Variants in CACNG4 observed in about 807,000 individuals in gnomAD.
CACNG4 encodes voltage-dependent calcium channel gamma-4 subunit.
A neutral mutation model predicts 22.9 loss-of-function variants in CACNG4; 8 were observed. The ratio of observed to expected loss-of-function variants is 0.35; its 90% CI spans 0.21 to 0.63. The LOEUF is 0.63. Among genes scored for constraint, CACNG4 ranks in the 30% least tolerant of loss-of-function variants. The probability of loss-of-function intolerance (pLI) is 0.72; values close to 1 mark genes in which losing one functional copy is unlikely to be tolerated. For missense variants in CACNG4, 357 were observed against 455.4 expected, an observed-to-expected ratio of 0.78 and a Z score of 1.97; for synonymous variants, 188 against 191.9, an observed-to-expected ratio of 0.98 and a Z score of 0.17.
chr17:67,032,629 G>T lies in CACNG4; in HGVS notation c.*1625G>T. ...AGGAAAGGACGCATCCACCGGTAGC[G>T]GCCCCAGCTGACTGTCGCCGTGTGC... On this transcript the variant is annotated 3_prime_UTR_variant, in exon 4 of 4. Transcript: ENST00000262138. 6.5e-6 allele frequency: 1 copy of T among 154,898 alleles called. No individual in the cohort carries two copies. The highest frequency in any genetic ancestry group is 1.4e-5 in the Non-Finnish European group (1 of 69,772). 9.6% of individuals were successfully genotyped at this position (154,898 alleles called of 1,614,324 possible).
Position 66,964,852 on chromosome 17 carries a change from A to AGGAG in CACNG4, c.-57_-54dup, listed in dbSNP as rs2143260350. On this transcript the variant is annotated 5_prime_UTR_variant, in exon 1 of 4. Coordinates refer to ENST00000262138, the MANE Select transcript of CACNG4 (RefSeq NM_014405.4). ...CGCCCCCGGAGCGGCGCGCGGAGGG[A>AGGAG]GGAGGGCGGGCGGGCGCGGCGGGCC... 2 of 987,214 alleles carry AGGAG rather than the reference A, an allele frequency of 2.0e-6. No homozygotes were observed. Among genetic ancestry groups the AGGAG allele is most frequent in the Non-Finnish European group, 2.5e-6 (2 of 794,514 alleles). The allele number at this position is 987,214 out of a possible 1,614,324, so 61.2% of individuals were successfully genotyped here. A position where few individuals can be genotyped will look rare whatever the true frequency, so the allele number is the denominator to read the frequency against.
intron 1 of CACNG4, among the ~76,000 whole-genome samples, chr17:67,015,598 G>A (rs1232147259): frequency 1.3e-5 from 2 of 152,200 alleles, no homozygotes; most frequent in Non-Finnish European, 2.9e-5. Context: ...CAAGACAAGT[G>A]TAATTTTTTT....
chr17:66,986,495 C>T (rs1485222916), intron 1 of CACNG4, among the ~76,000 whole-genome samples: 2 of 152,042 alleles, frequency 1.3e-5, no homozygotes, highest in African/African-American at 2.4e-5. Flanking sequence ...AGACTGGATG[C>T]AAGAATGAGA....
At chr17:66,987,322 A>G (rs2035310878) in intron 1 of CACNG4, among the ~76,000 whole-genome samples, 3 of 152,180 alleles carry the variant, frequency 2.0e-5, no homozygotes, top group Admixed American at 2.0e-4. Context: ...TTCCTTATCT[A>G]CACAATAGAG....
At chr17:66,967,888 G>A (rs914506384) in intron 1 of CACNG4, among the ~76,000 whole-genome samples, 1 of 152,082 alleles carries the variant, frequency 6.6e-6, no homozygotes, top group African/African-American at 2.4e-5. Flanking sequence ...ATGCATTCTG[G>A]CAGGGCTACG....
intron 1 of CACNG4, among the ~76,000 whole-genome samples, chr17:66,986,694 T>C (rs1598107322): frequency 6.6e-6 from 1 of 152,326 alleles, no homozygotes; most frequent in African/African-American, 2.4e-5. Context: ...AGAGAGAATT[T>C]AGCTTCCAGT....
chr17:66,971,192 C>T (rs56970893), intron 1 of CACNG4, among the ~76,000 whole-genome samples: 14,870 of 151,404 alleles, frequency 0.098, 1,039 homozygotes, highest in East Asian at 0.25. Context: ...TCCACGCTGA[C>T]GGTGGGTCGG....
At chr17:67,008,552 C>T (rs944104945) in intron 1 of CACNG4, among the ~76,000 whole-genome samples, 1 of 152,100 alleles carries the variant, frequency 6.6e-6, no homozygotes, top group Non-Finnish European at 1.5e-5. Context: ...CTGACCGGTG[C>T]CTCTGCTCCA....
intron 1 of CACNG4, among the ~76,000 whole-genome samples, chr17:66,972,888 C>CTT (rs2035213202): frequency 6.6e-6 from 1 of 151,572 alleles, no homozygotes; most frequent in Non-Finnish European, 1.5e-5. Context: ...ATCCCACCAC[C>CTT]GCACTCCAGC....
At chr17:67,019,395 G>A (rs912397525) in intron 2 of CACNG4, among the ~76,000 whole-genome samples, 2 of 152,022 alleles carry the variant, frequency 1.3e-5, no homozygotes, top group Non-Finnish European at 1.5e-5. Context: ...TCTGCTTACC[G>A]GGGGCCCACA....
intron 1 of CACNG4, among the ~76,000 whole-genome samples, chr17:66,976,307 G>A (rs1431428242): frequency 2.0e-5 from 3 of 151,914 alleles, no homozygotes; most frequent in African/African-American, 7.3e-5. Context: ...AATAAAACCT[G>A]TCCTCCCCTC....
chr17:66,990,647 C>CTTATT (rs59079283), intron 1 of CACNG4, among the ~76,000 whole-genome samples: 10,224 of 148,568 alleles, frequency 0.069, 382 homozygotes, highest in Middle Eastern at 0.09. Context: ...TCTAAGTCTC[C>CTTATT]TTATTTTATT....
chr17:66,971,009 C>A (rs547033235), intron 1 of CACNG4, among the ~76,000 whole-genome samples: 10 of 152,318 alleles, frequency 6.6e-5, no homozygotes, highest in African/African-American at 1.9e-4. Flanking sequence ...GTCACCAGAC[C>A]CTGAGTGTCA....
chr17:67,012,835 C>G (rs1035694421), intron 1 of CACNG4, among the ~76,000 whole-genome samples: 1 of 152,128 alleles, frequency 6.6e-6, no homozygotes, highest in Non-Finnish European at 1.5e-5. Context: ...CCAAGAGGTA[C>G]GAGGTGGACA....
intron 1 of CACNG4, among the ~76,000 whole-genome samples, chr17:66,977,606 A>C (rs2035245738): frequency 6.6e-6 from 1 of 152,202 alleles, no homozygotes; most frequent in Admixed American, 6.5e-5. Flanking sequence ...AGAACGATTA[A>C]ATGAGATTGG....
intron 1 of CACNG4, among the ~76,000 whole-genome samples, chr17:66,972,586 C>T (rs1378462761): frequency 1.3e-5 from 2 of 152,192 alleles, no homozygotes; most frequent in Admixed American, 6.5e-5. Context: ...AGGGGGAAGG[C>T]ATGATTCTTT....
chr17:67,009,858 T>G (rs989202093), intron 1 of CACNG4, among the ~76,000 whole-genome samples: 4 of 152,132 alleles, frequency 2.6e-5, no homozygotes, highest in African/African-American at 9.7e-5. Context: ...CACCTCAGGG[T>G]TAGGAGTTCA....
chr17:66,964,987 A>T lies in CACNG4; in HGVS notation c.76A>T (p.Ile26Phe). The change falls in exon 1 of 4, where the codon ATC (isoleucine) becomes TTC (phenylalanine). Residue 26 changes from isoleucine to phenylalanine, a missense_variant. Around this residue, in one of 3 missense-constraint regions of CACNG4, gnomAD observed 114 missense variants for 161.6 expected, o/e 0.71. Coordinates refer to ENST00000262138, the MANE Select transcript of CACNG4 (RefSeq NM_014405.4). The stretch of plus-strand genomic sequence containing the variant: ...CTTCGCCGCCTTCTCGCTCATGGCC[A>T]TCGCCATCGGCACCGACTACTGGCT... ...GAFAAFSLMA[I>F]AIGTDYWLYS... is the part of the protein sequence containing the mutation. 2 of 1,610,178 alleles carry T rather than the reference A, an allele frequency of 1.2e-6. No individual in the cohort carries two copies. Among genetic ancestry groups the T allele is most frequent in the Non-Finnish European group, 1.7e-6 (2 of 1,178,614 alleles).
At chr17:66,994,111 A>G (rs2035358965) in intron 1 of CACNG4, among the ~76,000 whole-genome samples, 1 of 152,026 alleles carries the variant, frequency 6.6e-6, no homozygotes, top group South Asian at 2.1e-4. Flanking sequence ...TGAGAGCTTT[A>G]CTTGAAGCCA....
Sources: allele counts gnomAD v4.1 joint callset (sites outside exome capture counted in the v4.1 genomes callset), GRCh38; gene constraint gnomAD v4.1.1; regional missense constraint gnomAD v4.1.1; transcripts MANE v1.5; gene names NCBI Gene and HGNC (gene_info 2026-07-23, HGNC 2026-07-21).